Variants in PSD3 observed in about 807,000 individuals in gnomAD.
PSD3 encodes pleckstrin and Sec7 domain containing 3.
PSD3 carries 49 observed loss-of-function variants against 105.5 expected under a neutral mutation model. That is an observed-to-expected ratio of 0.46 (90% CI 0.37 to 0.59). PSD3 has a LOEUF of 0.59. Among genes scored for constraint, PSD3 ranks in the 20% least tolerant of loss-of-function variants. The pLI is 0.00. For synonymous variants in PSD3, 557 were observed against 457.8 expected (o/e 1.22, Z -2.77); for missense variants, 1,561 against 1,263.8 (o/e 1.24, Z -3.57).
chr8:18,799,371 A>G lies in PSD3; in HGVS notation c.2024-18T>C. On this transcript the variant is annotated intron_variant, in intron 7 of 15. Coordinates refer to ENST00000327040, the MANE Select transcript of PSD3 (RefSeq NM_015310.4). ...GACTCCATCTAAAGAAAGATACAAG[A>G]AAAAAAAGCATGAATTCGCTTTTCA... The G allele has an allele frequency of 6.4e-7, 1 of 1,558,036 alleles. No homozygotes were observed.
At chr8:18,884,496 ACT>A (rs1818324006) in intron 2 of PSD3, among the ~76,000 whole-genome samples, 1 of 152,174 alleles carries the variant, frequency 6.6e-6, no homozygotes, top group African/African-American at 2.4e-5. Flanking sequence ...ATTTTAAGAC[ACT>A]CTCTTCACCC....
chr8:18,977,243 G>C (rs1393629808), intron 1 of PSD3, among the ~76,000 whole-genome samples: 3 of 120,960 alleles, frequency 2.5e-5, no homozygotes, highest in Non-Finnish European at 4.9e-5. Context: ...CTGGGCAACA[G>C]AACAACACCC....
intron 1 of PSD3, among the ~76,000 whole-genome samples, chr8:19,060,681 G>C (rs1302034011): frequency 6.6e-6 from 1 of 152,198 alleles, no homozygotes; most frequent in Non-Finnish European, 1.5e-5. Context: ...TTGGCAGTGT[G>C]AAATATGCCT....
chr8:18,853,706 G>A, intron 4 of PSD3, among the ~76,000 whole-genome samples: 1 of 152,158 alleles, frequency 6.6e-6, no homozygotes, highest in South Asian at 2.1e-4. Context: ...GCCTTGTGCA[G>A]TAGTCATTAC....
intron 9 of PSD3, among the ~76,000 whole-genome samples, chr8:18,689,706 A>G (rs1800866173): frequency 6.6e-6 from 1 of 152,232 alleles, no homozygotes; most frequent in South Asian, 2.1e-4. Flanking sequence ...TTTGGGAGTG[A>G]CAGGGCAGGG....
intron 4 of PSD3, chr8:18,854,229 G>A (rs1390597653): frequency 2.6e-5 from 4 of 152,852 alleles, no homozygotes; most frequent in Admixed American, 2.0e-4. Context: ...TCTGTTGCAA[G>A]TACAAACTGC....
chr8:19,044,517 A>G (rs148840873), intron 1 of PSD3, among the ~76,000 whole-genome samples: 173 of 152,366 alleles, frequency 1.1e-3, no homozygotes, highest in African/African-American at 3.7e-3. Flanking sequence ...ATAATATTAT[A>G]TCAATTATAT....
At chr8:18,683,020 G>C (rs1365755029) in intron 9 of PSD3, among the ~76,000 whole-genome samples, 2 of 152,134 alleles carry the variant, frequency 1.3e-5, no homozygotes, top group African/African-American at 4.8e-5. Flanking sequence ...TGTGGAGTGG[G>C]AGTGTTTCTG....
intron 11 of PSD3, 47 bp from the exon 12 acceptor site, chr8:18,600,481 T>C (rs1804355451): frequency 1.4e-6 from 2 of 1,400,368 alleles, no homozygotes; most frequent in Non-Finnish European, 2.0e-6. Context: ...ATCAGCATTT[T>C]AGAAAGAGAA....
intron 2 of PSD3, among the ~76,000 whole-genome samples, chr8:18,889,621 T>C (rs60669048): frequency 0.07 from 10,688 of 152,212 alleles, 381 homozygotes; most frequent in Middle Eastern, 0.1. Context: ...CTCTGGGCCA[T>C]GCTCCCCCAT....
At chr8:18,821,473 G>A (rs1239266693) in intron 4 of PSD3, among the ~76,000 whole-genome samples, 1 of 152,058 alleles carries the variant, frequency 6.6e-6, no homozygotes, top group African/African-American at 2.4e-5. Context: ...CAGGTTGGAT[G>A]AAATTTGCGT....
rs780461291 is a variant in PSD3 at position 18,746,644 on chromosome 8, T to C, written c.2172+18805A>G. Among the ~76,000 whole-genome samples the C allele has an allele frequency of 2.3e-4, 35 of 152,336 alleles. 1 individual carries two copies. The highest frequency in any genetic ancestry group is 1.9e-4 in the East Asian group (1 of 5,190). On this transcript the variant is annotated intron_variant, in intron 9 of 15. Coordinates refer to ENST00000327040, the MANE Select transcript of PSD3 (RefSeq NM_015310.4). Reference sequence around the variant, plus strand: ...AAATTTACTAACTGGAGTACAGTGTTTGTGTACTGTTCTTTTTGTCTTCAA... The same window carrying C: ...AAATTTACTAACTGGAGTACAGTGTCTGTGTACTGTTCTTTTTGTCTTCAA...
chr8:18,771,592 A>T (rs1807534626), intron 8 of PSD3, among the ~76,000 whole-genome samples: 1 of 152,344 alleles, frequency 6.6e-6, no homozygotes, highest in East Asian at 1.9e-4. Context: ...CATTTACTGG[A>T]AAGACTACTT....
chr8:18,538,392 G>A (rs887652151), intron 15 of PSD3, among the ~76,000 whole-genome samples: 4 of 152,172 alleles, frequency 2.6e-5, no homozygotes, highest in African/African-American at 9.6e-5. Flanking sequence ...TGAAATCAGA[G>A]GACTGAACAA....
At chr8:18,801,208 T>C in intron 7 of PSD3, 62 bp downstream of exon 7, 2 of 1,069,180 alleles carry the variant, frequency 1.9e-6, no homozygotes, top group Non-Finnish European at 2.8e-6. Flanking sequence ...AAATTTAACT[T>C]TCATAATAAG....
intron 11 of PSD3, among the ~76,000 whole-genome samples, chr8:18,611,859 T>C (rs1200374496): frequency 2.7e-4 from 41 of 151,696 alleles, no homozygotes; most frequent in Admixed American, 2.3e-3. Context: ...CCTTTTTCCT[T>C]ATCTACACTG....
intron 4 of PSD3, among the ~76,000 whole-genome samples, chr8:18,841,934 C>T (rs1814659078): frequency 6.6e-6 from 1 of 152,174 alleles, no homozygotes. Context: ...CTAAACAATA[C>T]TTCAGACCAG....
At chr8:18,991,061 G>A (rs1013103973) in intron 1 of PSD3, among the ~76,000 whole-genome samples, 14 of 152,072 alleles carry the variant, frequency 9.2e-5, no homozygotes, top group African/African-American at 3.4e-4. Flanking sequence ...AGAAGCTGCC[G>A]GCCAGAGCCC....
intron 1 of PSD3, among the ~76,000 whole-genome samples, chr8:18,979,279 T>C: frequency 6.6e-6 from 1 of 152,140 alleles, no homozygotes; most frequent in East Asian, 1.9e-4. Context: ...ATGTTTTAAT[T>C]TTTATACACT....
Sources: allele counts gnomAD v4.1 joint callset (sites outside exome capture counted in the v4.1 genomes callset), GRCh38; gene constraint gnomAD v4.1.1; transcripts MANE v1.5; gene names NCBI Gene and HGNC (gene_info 2026-07-23, HGNC 2026-07-21).